YTHDF3: variants seen among roughly 807,000 people sequenced by gnomAD.
YTHDF3 encodes YTH N6-methyladenosine RNA binding protein F3, also known as YTH domain-containing family protein 3.
YTHDF3 carries 9 observed loss-of-function variants against 52.5 expected under a neutral mutation model. The observed-to-expected ratio is 0.17, with a 90% CI of 0.10 to 0.30. The LOEUF (loss-of-function observed/expected upper bound fraction) is 0.30. YTHDF3 is among the 10% of genes least tolerant of loss of function. The pLI is 1.00. For synonymous variants in YTHDF3, 274 were observed against 243.3 expected, an observed-to-expected ratio of 1.13 and a Z score of -1.18; for missense variants, 534 against 715.0, an observed-to-expected ratio of 0.75 and a Z score of 2.89.
intron 1 of YTHDF3, 95 bp downstream of exon 1, chr8:63,168,996 CG>C: frequency 6.6e-7 from 1 of 1,507,630 alleles, no homozygotes; most frequent in South Asian, 1.3e-5. Flanking sequence ...CCGCCGCTGC[CG>C]GCCCCATAAC....
In YTHDF3 at chr8:63,186,200, A is replaced by G; in HGVS notation, c.189A>G (p.Pro63=). The part of the protein sequence containing the change: ...SDPYMPSYYA[P]SIGFPYSLGE... ...CATACATGCCTAGTTACTATGCTCC[A>G]TCCATTGGATTTCCATATTCTCTTG... The change falls in exon 4 of 5, where the codon CCA becomes CCG. Residue 63 remains proline (P), a synonymous_variant. Coordinates refer to ENST00000539294, the MANE Select transcript of YTHDF3 (RefSeq NM_152758.6). 1 of 1,614,024 alleles carries G rather than the reference A, an allele frequency of 6.2e-7. No individual in the cohort carries two copies. Among genetic ancestry groups the G allele is most frequent in the Non-Finnish European group, 8.5e-7 (1 of 1,179,898 alleles).
At chr8:63,202,847 A>G (rs986103949) in intron 4 of YTHDF3, among the ~76,000 whole-genome samples, 15 of 152,148 alleles carry the variant, frequency 9.9e-5, no homozygotes, top group African/African-American at 3.4e-4. Flanking sequence ...TAATTTTCCT[A>G]AAGAATTGAA....
intron 4 of YTHDF3, among the ~76,000 whole-genome samples, chr8:63,206,573 T>C (rs555092348): frequency 1.2e-3 from 183 of 149,916 alleles, no homozygotes; most frequent in African/African-American, 4.5e-3. Context: ...GTAACTCTAC[T>C]AAAGTTACTA....
At chr8:63,176,672 C>G (rs2129998555) in intron 3 of YTHDF3, among the ~76,000 whole-genome samples, 1 of 132,964 alleles carries the variant, frequency 7.5e-6, no homozygotes. Context: ...ATTAGAAACT[C>G]AGTTTTTTTT....
chr8:63,168,818 A>G lies in YTHDF3; in HGVS notation c.-60A>G, dbSNP rs1427531555. 9 of 1,550,516 alleles carry G rather than the reference A, an allele frequency of 5.8e-6. No homozygotes were observed. The highest frequency in any genetic ancestry group is 7.8e-6 in the Non-Finnish European group (9 of 1,147,182). The stretch of plus-strand genomic sequence containing the variant: ...CCAAGGGCGACAGCCAACTGCTGTG[A>G]GTGCACGGGGAGAGGCCCAGGCAGC... On this transcript the variant is annotated 5_prime_UTR_variant, in exon 1 of 5. Transcript: ENST00000539294.
At chr8:63,194,158 A>G (rs1205639254) in intron 4 of YTHDF3, among the ~76,000 whole-genome samples, 1 of 152,180 alleles carries the variant, frequency 6.6e-6, no homozygotes, top group African/African-American at 2.4e-5. Flanking sequence ...TGGTAACTAT[A>G]CTTTTGCTTC....
intron 2 of YTHDF3, among the ~76,000 whole-genome samples, chr8:63,174,758 C>A (rs1807574929): frequency 6.6e-6 from 1 of 152,158 alleles, no homozygotes. Flanking sequence ...TTAAAGCCCT[C>A]TTTATTTAGA....
rs1192112726 is a variant in YTHDF3, at chr8:63,168,980, C to G, written c.24+79C>G. On this transcript the variant is annotated intron_variant, in intron 1 of 4. Coordinates refer to ENST00000539294, the MANE Select transcript of YTHDF3 (RefSeq NM_152758.6). ...CCTCGCGCGGGGCTTCGGCTCCTCC[C>G]CGTCGCCGCCGCTGCCGGCCCCATA... The G allele has an allele frequency of 7.3e-6, 11 of 1,516,416 alleles. No individual in the cohort carries two copies. The African/African-American group carries it at 1.3e-4, about 18-fold the overall frequency. 93.9% of individuals were successfully genotyped at this position (1,516,416 alleles called of 1,614,324 possible).
chr8:63,179,682 A>G (rs1658454165), intron 3 of YTHDF3, among the ~76,000 whole-genome samples: 1 of 151,874 alleles, frequency 6.6e-6, no homozygotes, highest in African/African-American at 2.4e-5. Flanking sequence ...CCCCCTTTCT[A>G]TTCCACAAAA....
chr8:63,189,484 T>C (rs1327353094), intron 4 of YTHDF3, among the ~76,000 whole-genome samples: 4 of 152,254 alleles, frequency 2.6e-5, no homozygotes, highest in South Asian at 2.1e-4. Flanking sequence ...CATGTTCTTA[T>C]GGAATGCTTG....
intron 3 of YTHDF3, among the ~76,000 whole-genome samples, chr8:63,185,693 G>A (rs1341691259): frequency 6.6e-6 from 1 of 152,134 alleles, no homozygotes; most frequent in Non-Finnish European, 1.5e-5. Flanking sequence ...TAGATAAGCT[G>A]TAATTCCTCT....
chr8:63,188,299 T>TG (rs1808662113), intron 4 of YTHDF3, among the ~76,000 whole-genome samples: 1 of 151,920 alleles, frequency 6.6e-6, no homozygotes, highest in Admixed American at 6.6e-5. Context: ...ACCTGGCACT[T>TG]AAAACAAGTT....
At position 63,209,725 on chromosome 8, in the gene YTHDF3, T is replaced by C. The variant is rs778184400; in HGVS notation, c.*19T>C. On this transcript the variant is annotated 3_prime_UTR_variant, in exon 5 of 5. Transcript: ENST00000539294. ...ACAATAACCGTATGAAGATGTCCTG[T>C]TAAATTTACAACACTAACGATGTAG... 2.6e-5 allele frequency: 41 copies of C among 1,571,252 alleles called. No individual in the cohort carries two copies. Among genetic ancestry groups the C allele is most frequent in the Non-Finnish European group, 3.3e-5 (39 of 1,164,426 alleles).
At chr8:63,187,786 C>A in intron 4 of YTHDF3, 41 bp downstream of exon 4, 1 of 1,528,124 alleles carries the variant, frequency 6.5e-7, no homozygotes, top group Non-Finnish European at 8.8e-7. Flanking sequence ...CTTTGTATTG[C>A]TGGTGGGGTG....
chr8:63,182,360 C>T (rs184446579), intron 3 of YTHDF3, among the ~76,000 whole-genome samples: 10 of 151,352 alleles, frequency 6.6e-5, no homozygotes, highest in African/African-American at 1.7e-4. Flanking sequence ...CACAAGCCAC[C>T]GTGCCTGGCT....
intron 2 of YTHDF3, among the ~76,000 whole-genome samples, chr8:63,170,147 A>T (rs1020583976): frequency 6.6e-6 from 1 of 152,232 alleles, no homozygotes; most frequent in African/African-American, 2.4e-5. Flanking sequence ...CATTTAGTTA[A>T]GTATAGAACA....
At chr8:63,169,152 G>A in intron 1 of YTHDF3, 3 of 1,419,534 alleles carry the variant, frequency 2.1e-6, no homozygotes, top group Non-Finnish European at 2.8e-6. Flanking sequence ...GATCCTGAGG[G>A]CGGCAGACAT....
Position 63,172,841 on chromosome 8 carries a change from C to G in YTHDF3, c.50-2490C>G, listed in dbSNP as rs562724865. On this transcript the variant is annotated intron_variant, in intron 2 of 4. Transcript: ENST00000539294. ...TTTACCCCTGAAGAAATTTTACAGACTATGGAACTAGCTTGGATTTCATTT... is the reference window on the plus strand; with the variant it reads ...TTTACCCCTGAAGAAATTTTACAGAGTATGGAACTAGCTTGGATTTCATTT... 1.7e-5 allele frequency: 21 copies of G among 1,220,584 alleles called. No homozygotes were observed. In the East Asian group the frequency reaches 6.3e-4, roughly 37 times the overall value. The allele number at this position is 1,220,584 out of a possible 1,614,324, so 75.6% of individuals were successfully genotyped here. A position where few individuals can be genotyped will look rare whatever the true frequency, so the allele number is the denominator to read the frequency against.
rs759461793 is a variant in YTHDF3 at position 63,187,037 on chromosome 8, A to C, written c.1026A>C (p.Gln342His). 2 of 1,613,490 alleles carry C rather than the reference A, an allele frequency of 1.2e-6. No homozygotes were observed. The highest frequency in any genetic ancestry group is 1.3e-5 in the African/African-American group (1 of 74,930). Residue 342 changes from glutamine to histidine, a missense_variant, in exon 4 of 5, where the codon CAA (glutamine) becomes CAC (histidine). Transcript: ENST00000539294. ...QGPQPQAQPH[Q>H]VQPQQQQLQN... is the part of the protein sequence containing the mutation. ...CTCAGCCACAGGCCCAGCCTCACCA[A>C]GTGCAGCCTCAACAGCAGCAGCTGC...
Sources: allele counts gnomAD v4.1 joint callset (sites outside exome capture counted in the v4.1 genomes callset), GRCh38; gene constraint gnomAD v4.1.1; transcripts MANE v1.5; gene names NCBI Gene and HGNC (gene_info 2026-07-23, HGNC 2026-07-21).